The following LRP12 variants were observed in gnomAD, a reference collection of about 807,000 sequenced individuals.
LRP12 encodes LDL receptor related protein 12.
In LRP12, 14 loss-of-function variants were observed where a neutral mutation model predicts 66.0. The observed-to-expected ratio is 0.21, with a 90% CI of 0.14 to 0.33. LRP12 has a LOEUF of 0.33. Ranked by LOEUF, LRP12 falls within the 10% of genes least tolerant of loss-of-function variation. The pLI is 1.00. For synonymous variants in LRP12, 357 were observed against 359.1 expected, an observed-to-expected ratio of 0.99 and a Z score of 0.07; for missense variants, 889 against 1,053.4, an observed-to-expected ratio of 0.84 and a Z score of 2.16.
chr8:104,560,859 A>AGAGT (rs1413683215), intron 1 of LRP12, among the ~76,000 whole-genome samples: 1 of 152,192 alleles, frequency 6.6e-6, no homozygotes, highest in East Asian at 1.9e-4. Context: ...CTCTTAGCCT[A>AGAGT]GAGTGATACT....
rs1812391388 is a variant in LRP12, at chr8:104,589,001, G to C, written c.-104C>G. ...CCGCCGCCGCCGCCGCCGCCGCCGA[G>C]CCACCGGCTGCTCCCTGCGCTCTCC... On this transcript the variant is annotated 5_prime_UTR_variant, in exon 1 of 7. Coordinates refer to ENST00000276654, the MANE Select transcript of LRP12 (RefSeq NM_013437.5). The C allele has an allele frequency of 2.0e-6, 1 of 497,332 alleles. No individual in the cohort carries two copies. Among genetic ancestry groups the C allele is most frequent in the Non-Finnish European group, 3.3e-6 (1 of 300,240 alleles). The allele number at this position is 497,332 out of a possible 1,614,324, so 30.8% of individuals were successfully genotyped here. A position where few individuals can be genotyped will look rare whatever the true frequency, so the allele number is the denominator to read the frequency against.
At chr8:104,552,717 G>GA (rs902637839) in intron 1 of LRP12, among the ~76,000 whole-genome samples, 12 of 151,752 alleles carry the variant, frequency 7.9e-5, no homozygotes, top group South Asian at 2.1e-4. Context: ...TCCAATGTAA[G>GA]AAAAAAAATG....
chr8:104,522,366 G>T (rs115804307), intron 2 of LRP12, among the ~76,000 whole-genome samples: 1,981 of 152,194 alleles, frequency 0.013, 48 homozygotes, highest in African/African-American at 0.044. Context: ...AAAGGGTGAT[G>T]ATTTTGATAG....
chr8:104,520,541 A>G (rs945324266), intron 2 of LRP12, among the ~76,000 whole-genome samples: 5 of 152,018 alleles, frequency 3.3e-5, no homozygotes, highest in Admixed American at 3.3e-4. Context: ...CACATCTTCT[A>G]TGAGTGTTCC....
chr8:104,491,056 T>G lies in LRP12; in HGVS notation c.2197A>C (p.Met733Leu). The G allele has an allele frequency of 6.2e-7, 1 of 1,614,182 alleles. No individual in the cohort carries two copies. The highest frequency in any genetic ancestry group is 1.7e-5 in the Admixed American group (1 of 60,020). Reference protein sequence around the residue: ...RHQLTSALSRMTQGLRWVRFT... With the variant: ...RHQLTSALSRLTQGLRWVRFT... The stretch of plus-strand genomic sequence containing the variant: ...CGTACCCAGCGTAGCCCCTGAGTCA[T>G]ACGACTGAGTGCACTTGTAAGCTGG... Residue 733 changes from methionine to leucine, a missense_variant, in exon 7 of 7, where the codon ATG becomes CTG. By Grantham distance (15) the Met-to-Leu change is conservative. Coordinates refer to ENST00000276654, the MANE Select transcript of LRP12 (RefSeq NM_013437.5).
chr8:104,566,152 C>A, intron 1 of LRP12: 1 of 529,388 alleles, frequency 1.9e-6, no homozygotes, highest in Non-Finnish European at 3.0e-6. Flanking sequence ...ATAAGAGAGG[C>A]TGAGAATATT....
In LRP12 at chr8:104,588,999, G is replaced by GCCGCCGCCGC; in HGVS notation, c.-103_-102insGCGGCGGCGG. 30 of 870,442 alleles carry GCCGCCGCCGC rather than the reference G, an allele frequency of 3.4e-5. No individual in the cohort carries two copies. Among genetic ancestry groups the GCCGCCGCCGC allele is most frequent in the East Asian group, 1.0e-4 (3 of 29,110 alleles). The allele number at this position is 870,442 out of a possible 1,614,324, so 53.9% of individuals were successfully genotyped here. A position where few individuals can be genotyped will look rare whatever the true frequency, so the allele number is the denominator to read the frequency against. Reference sequence around the variant, plus strand: ...CGCCGCCGCCGCCGCCGCCGCCGCCGAGCCACCGGCTGCTCCCTGCGCTCT... The same window carrying GCCGCCGCCGC: ...CGCCGCCGCCGCCGCCGCCGCCGCCGCCGCCGCCGCAGCCACCGGCTGCTCCCTGCGCTCT... On this transcript the variant is annotated 5_prime_UTR_variant, in exon 1 of 7. Transcript: ENST00000276654.
In LRP12 at chr8:104,588,979, C is replaced by A. The variant is rs1382241221; in HGVS notation, c.-82G>T. ...GAGGTAGACGACGCCGACGCCGCCG[C>A]CGCCGCCGCCGCCGCCGCCGAGCCA... On this transcript the variant is annotated 5_prime_UTR_variant, in exon 1 of 7. Coordinates refer to ENST00000276654, the MANE Select transcript of LRP12 (RefSeq NM_013437.5). 1.8e-5 allele frequency: 13 copies of A among 728,698 alleles called. No individual in the cohort carries two copies. The highest frequency in any genetic ancestry group is 2.2e-5 in the South Asian group (1 of 46,456). The allele number at this position is 728,698 out of a possible 1,614,324, so 45.1% of individuals were successfully genotyped here. A position where few individuals can be genotyped will look rare whatever the true frequency, so the allele number is the denominator to read the frequency against.
chr8:104,491,625 T>C, intron 6 of LRP12, 86 bp from the exon 7 acceptor site: 1 of 1,108,788 alleles, frequency 9.0e-7, no homozygotes, highest in Non-Finnish European at 1.2e-6. Flanking sequence ...ATTAAGAATG[T>C]GTTGTGGTTA....
chr8:104,573,006 T>C (rs1812105483), intron 1 of LRP12, among the ~76,000 whole-genome samples: 1 of 152,200 alleles, frequency 6.6e-6, no homozygotes, highest in Non-Finnish European at 1.5e-5. Context: ...TCTTACGTAG[T>C]AGAAAAAATA....
intron 1 of LRP12, among the ~76,000 whole-genome samples, chr8:104,563,995 T>G (rs1209496333): frequency 1.3e-5 from 2 of 152,218 alleles, no homozygotes; most frequent in Non-Finnish European, 2.9e-5. Context: ...TTGCTATTGT[T>G]ACAAGAATGA....
chr8:104,507,813 G>A (rs1434052695), intron 3 of LRP12: 1 of 151,976 alleles, frequency 6.6e-6, no homozygotes, highest in African/African-American at 2.4e-5. Flanking sequence ...AAAATAAAAG[G>A]AAAACAAACT....
chr8:104,554,281 T>A (rs1411972777), intron 1 of LRP12, among the ~76,000 whole-genome samples: 10 of 152,156 alleles, frequency 6.6e-5, no homozygotes, highest in Admixed American at 6.5e-4. Context: ...AAGAAATCTC[T>A]GACTTGCCAG....
At chr8:104,554,188 A>C (rs1427687527) in intron 1 of LRP12, among the ~76,000 whole-genome samples, 1 of 152,172 alleles carries the variant, frequency 6.6e-6, no homozygotes, top group Non-Finnish European at 1.5e-5. Flanking sequence ...ACCAGAAAAA[A>C]AATTCTGGCA....
At chr8:104,500,634 C>G (rs1810813303) in intron 3 of LRP12, among the ~76,000 whole-genome samples, 1 of 152,182 alleles carries the variant, frequency 6.6e-6, no homozygotes, top group Non-Finnish European at 1.5e-5. Context: ...ACCTGGGAGA[C>G]AGAGTTTGCA....
rs970100852 is a variant in LRP12 at position 104,589,007 on chromosome 8, G to C, written c.-110C>G. The C allele has an allele frequency of 3.6e-6, 2 of 552,354 alleles. No homozygotes were observed. The highest frequency in any genetic ancestry group is 5.9e-6 in the Non-Finnish European group (2 of 337,656). The allele number at this position is 552,354 out of a possible 1,614,324, so 34.2% of individuals were successfully genotyped here. A position where few individuals can be genotyped will look rare whatever the true frequency, so the allele number is the denominator to read the frequency against. On this transcript the variant is annotated 5_prime_UTR_variant, in exon 1 of 7. Coordinates refer to ENST00000276654, the MANE Select transcript of LRP12 (RefSeq NM_013437.5). ...CCGCCGCCGCCGCCGCCGAGCCACC[G>C]GCTGCTCCCTGCGCTCTCCGCGGCT...
chr8:104,496,121 T>C (rs964902917), intron 5 of LRP12: 1 of 152,162 alleles, frequency 6.6e-6, no homozygotes, highest in Non-Finnish European at 1.5e-5. Flanking sequence ...CAGGTCCCAT[T>C]TATCCTGCAT....
chr8:104,525,629 T>C (rs935648786), intron 2 of LRP12, among the ~76,000 whole-genome samples: 1 of 148,688 alleles, frequency 6.7e-6, no homozygotes, highest in Admixed American at 6.6e-5. Context: ...TTTTACAAAT[T>C]CATATTCTAA....
intron 1 of LRP12, among the ~76,000 whole-genome samples, chr8:104,532,833 T>C (rs909544798): frequency 2.0e-5 from 3 of 152,118 alleles, no homozygotes; most frequent in Admixed American, 1.3e-4. Context: ...ACAGAATTTG[T>C]GTTTATTTGG....
Sources: gnomAD v4.1 joint callset for allele counts (sites outside exome capture counted in the v4.1 genomes callset) on GRCh38, gnomAD v4.1.1 for gene constraint, MANE v1.5 for transcripts, NCBI Gene and HGNC (gene_info 2026-07-23, HGNC 2026-07-21) for gene names.